DCC: variants seen among roughly 807,000 people sequenced by gnomAD.
The protein encoded by DCC is netrin receptor DCC.
A neutral mutation model predicts 172.5 loss-of-function variants in DCC; 58 were observed. The observed-to-expected ratio is 0.34, with a 90% CI of 0.27 to 0.42. The LOEUF (loss-of-function observed/expected upper bound fraction) is 0.42, where lower values mean the gene tolerates loss of function less well. Ranked by LOEUF, DCC falls within the 10% of genes least tolerant of loss-of-function variation. The pLI, the probability that DCC is intolerant of heterozygous loss-of-function variation, is 1.00. For synonymous variants in DCC, 709 were observed against 644.5 expected (o/e 1.10, Z -1.52); for missense variants, 1,740 against 1,791.0 (o/e 0.97, Z 0.51).
intron 12 of DCC, among the ~76,000 whole-genome samples, chr18:53,277,252 C>T (rs1267181744): frequency 6.6e-6 from 1 of 152,064 alleles, no homozygotes; most frequent in African/African-American, 2.4e-5. Context: ...GGAGGATCAC[C>T]TGAGGTCAGG....
intron 21 of DCC, among the ~76,000 whole-genome samples, chr18:53,433,298 A>ATGCTATATGTG (rs1289712417): frequency 2.4e-4 from 36 of 152,306 alleles, no homozygotes; most frequent in African/African-American, 8.2e-4. Flanking sequence ...TGTATGTAAT[A>ATGCTATATGTG]TATGAATATG....
intron 26 of DCC, among the ~76,000 whole-genome samples, chr18:53,488,960 C>A (rs1017384347): frequency 6.6e-6 from 1 of 151,572 alleles, no homozygotes; most frequent in Non-Finnish European, 1.5e-5. Flanking sequence ...ACATCGAGAC[C>A]ATCCTGGCCA....
At chr18:52,469,161 A>G (rs1043159398) in intron 1 of DCC, among the ~76,000 whole-genome samples, 4 of 152,022 alleles carry the variant, frequency 2.6e-5, no homozygotes, top group African/African-American at 9.7e-5. Context: ...GGGTTCAAGC[A>G]GTTCTCCTGC....
chr18:53,380,992 A>G (rs1472077380), intron 15 of DCC, among the ~76,000 whole-genome samples: 1 of 152,154 alleles, frequency 6.6e-6, no homozygotes. Context: ...TCGACTCAGC[A>G]TATTCTATAC....
At chr18:52,848,033 T>C (rs2038921678) in intron 2 of DCC, among the ~76,000 whole-genome samples, 1 of 152,084 alleles carries the variant, frequency 6.6e-6, no homozygotes, top group African/African-American at 2.4e-5. Flanking sequence ...GCTTTTATTC[T>C]GTACTTCAGA....
In DCC at chr18:53,450,600, A is replaced by C; in HGVS notation, c.3330A>C (p.Thr1110=). 6.2e-7 allele frequency: 1 copy of C among 1,612,590 alleles called. No homozygotes were observed. The highest frequency in any genetic ancestry group is 8.5e-7 in the Non-Finnish European group (1 of 1,179,444). ...TTGTGGTCACCGTTGGTGTCATCAC[A>C]GTGCTGGTAGTGGTCATCGTGGCTG... ...VIIVVTVGVI[T]VLVVVIVAVI... The change falls in exon 23 of 29, where the codon ACA becomes ACC. Residue 1110 remains threonine, a synonymous_variant. Transcript: ENST00000442544.
intron 3 of DCC, among the ~76,000 whole-genome samples, chr18:52,922,042 C>T (rs925779433): frequency 5.3e-5 from 8 of 151,420 alleles, no homozygotes; most frequent in South Asian, 2.1e-4. Context: ...ACCATATTTG[C>T]GAGATTTGAA....
Position 53,530,784 on chromosome 18 carries a change from G to T in DCC, c.*131G>T, listed in dbSNP as rs763297593. ...CACCCATCAGGACCACTCAGTTAAG[G>T]AAGATCCTGAAGCAGTTCAGAAGGA... On this transcript the variant is annotated 3_prime_UTR_variant, in exon 29 of 29. Transcript: ENST00000442544. 2.7e-4 allele frequency: 196 copies of T among 727,040 alleles called. 1 individual carries two copies. The highest frequency in any genetic ancestry group is 4.6e-4 in the Non-Finnish European group (182 of 394,256). 45.0% of individuals were successfully genotyped at this position (727,040 alleles called of 1,614,324 possible).
At chr18:52,496,775 A>G (rs538607602) in intron 1 of DCC, among the ~76,000 whole-genome samples, 18 of 152,126 alleles carry the variant, frequency 1.2e-4, no homozygotes, top group Non-Finnish European at 2.6e-4. Context: ...TTTGACAGGC[A>G]ATACCCAATC....
chr18:53,105,065 A>G lies in DCC; in HGVS notation c.1261+38899A>G, dbSNP rs371734441. 2.6e-5 allele frequency among the ~76,000 whole-genome samples: 4 copies of G among 151,980 alleles called. 1 individual carries two copies. The highest frequency in any genetic ancestry group is 4.8e-5 in the African/African-American group (2 of 41,408). On this transcript the variant is annotated intron_variant, in intron 7 of 28. Coordinates refer to ENST00000442544, the MANE Select transcript of DCC (RefSeq NM_005215.4). ...TTTTAATACTACTGGAAATGGTACT[A>G]TTTGGAGATTTGTAAATTAAATGTG...
intron 13 of DCC, among the ~76,000 whole-genome samples, chr18:53,316,664 C>T (rs914546721): frequency 6.6e-6 from 1 of 152,094 alleles, no homozygotes; most frequent in African/African-American, 2.4e-5. Context: ...TCCTTGAAGA[C>T]ACCCTTCACA....
At chr18:52,414,307 C>T (rs1254355106) in intron 1 of DCC, among the ~76,000 whole-genome samples, 1 of 152,080 alleles carries the variant, frequency 6.6e-6, no homozygotes, top group Non-Finnish European at 1.5e-5. Context: ...TGGTCTTGAA[C>T]TCCTGACCTC....
intron 1 of DCC, among the ~76,000 whole-genome samples, chr18:52,689,193 G>A (rs964622363): frequency 1.3e-5 from 2 of 152,056 alleles, no homozygotes; most frequent in Admixed American, 1.3e-4. Flanking sequence ...TCCATCTGTT[G>A]GAGCCATATG....
rs144886401 is a variant in DCC at position 53,072,031 on chromosome 18, G to A, written c.1261+5865G>A. 6.2e-3 allele frequency among the ~76,000 whole-genome samples: 936 copies of A among 152,194 alleles called. 10 individuals are homozygous for A. Among genetic ancestry groups the A allele is most frequent in the African/African-American group, 0.022 (893 of 41,522 alleles). ...TAATCCCAGCTACTTGGGAGGCTGAGGCCAGGACAATCAGTTGAACCCGGA... is the reference window on the plus strand; with the variant it reads ...TAATCCCAGCTACTTGGGAGGCTGAAGCCAGGACAATCAGTTGAACCCGGA... On this transcript the variant is annotated intron_variant, in intron 7 of 28. Coordinates refer to ENST00000442544, the MANE Select transcript of DCC (RefSeq NM_005215.4).
In DCC at chr18:53,138,116, T is replaced by C. The variant is rs530900894; in HGVS notation, c.1262-19240T>C. 5.9e-5 allele frequency among the ~76,000 whole-genome samples: 9 copies of C among 152,166 alleles called. No homozygotes were observed. The East Asian group carries it at 1.2e-3, about 20-fold the overall frequency. ...GTGCTGAGATTACAAGCATGAGCCA[T>C]TGTGCCCAGGGAGTAGTACTTTTAA... On this transcript the variant is annotated intron_variant, in intron 7 of 28. Transcript: ENST00000442544.
chr18:53,052,256 A>T (rs1429776282), intron 5 of DCC, among the ~76,000 whole-genome samples: 1 of 151,986 alleles, frequency 6.6e-6, no homozygotes, highest in Non-Finnish European at 1.5e-5. Flanking sequence ...CTCTAGCTCT[A>T]TTGAATTTAT....
chr18:52,969,814 C>T (rs1038910836), intron 5 of DCC, among the ~76,000 whole-genome samples: 6 of 152,114 alleles, frequency 3.9e-5, no homozygotes, highest in African/African-American at 1.4e-4. Context: ...CTAGCCTTAT[C>T]TCTGAGGATT....
At chr18:52,467,821 T>A (rs1159812496) in intron 1 of DCC, among the ~76,000 whole-genome samples, 4 of 152,224 alleles carry the variant, frequency 2.6e-5, no homozygotes, top group Non-Finnish European at 5.9e-5. Flanking sequence ...TTTTTTCATA[T>A]GTTTGTTGGC....
At chr18:53,233,171 A>G (rs944494460) in intron 12 of DCC, among the ~76,000 whole-genome samples, 1 of 152,196 alleles carries the variant, frequency 6.6e-6, no homozygotes, top group African/African-American at 2.4e-5. Flanking sequence ...AAGCATAGAT[A>G]TGAATGACCC....
Sources: gnomAD v4.1 joint callset for allele counts (sites outside exome capture counted in the v4.1 genomes callset) on GRCh38, gnomAD v4.1.1 for gene constraint, MANE v1.5 for transcripts, NCBI Gene and HGNC (gene_info 2026-07-23, HGNC 2026-07-21) for gene names.